ZNF121: variants seen among roughly 807,000 people sequenced by gnomAD.
ZNF121 encodes zinc finger protein 121.
A neutral mutation model predicts 2.4 loss-of-function variants in ZNF121; 1 was observed. That is an observed-to-expected ratio of 0.41 (90% CI 0.15 to 1.94). The LOEUF is 1.94. Among genes scored for constraint, ZNF121 ranks in the 30% most tolerant of loss-of-function variants. The probability of loss-of-function intolerance (pLI) is 0.30; values close to 1 mark genes in which losing one functional copy is unlikely to be tolerated. For synonymous variants in ZNF121, 173 were observed against 158.6 expected (o/e 1.09, Z -0.68); for missense variants, 369 against 466.3 (o/e 0.79, Z 1.92).
In ZNF121 at chr19:9,567,937, A is replaced by G. The variant is rs562203210; in HGVS notation, c.3+158T>C. On this transcript the variant is annotated intron_variant, in intron 3 of 3. Transcript: ENST00000320451. ...CCTGCTGTGCAGCCCAGTTCCTAAC[A>G]CTAACAGAAACAGTACCAGTGGGGA... is the stretch of plus-strand genomic sequence containing the variant. Among the ~76,000 whole-genome samples the G allele has an allele frequency of 5.7e-3, 873 of 152,298 alleles. 16 individuals are homozygous for G. Among genetic ancestry groups the G allele is most frequent in the Non-Finnish European group, 8.0e-3 (546 of 68,030 alleles).
Position 9,561,375 on chromosome 19 carries a change from G to A in ZNF121, c.*4565C>T, listed in dbSNP as rs1321343616. On this transcript the variant is annotated 3_prime_UTR_variant, in exon 4 of 4. Transcript: ENST00000320451. ...TAATTATATACCCATGAAATAAGGAGAATACATTTTTAAAGATTCAGAAGA... is the reference window on the plus strand; with the variant it reads ...TAATTATATACCCATGAAATAAGGAAAATACATTTTTAAAGATTCAGAAGA... 6.6e-6 allele frequency: 1 copy of A among 152,118 alleles called. No individual in the cohort carries two copies. The highest frequency in any genetic ancestry group is 1.5e-5 in the Non-Finnish European group (1 of 68,026). 9.4% of individuals were successfully genotyped at this position (152,118 alleles called of 1,614,324 possible).
chr19:9,573,120 A>C (rs1234799656), intron 1 of ZNF121, among the ~76,000 whole-genome samples: 3 of 152,258 alleles, frequency 2.0e-5, no homozygotes, highest in Non-Finnish European at 4.4e-5. Flanking sequence ...ACACAGATGT[A>C]CATCCACAAG....
chr19:9,581,563 G>C (rs549495887), intron 1 of ZNF121, among the ~76,000 whole-genome samples: 36 of 152,224 alleles, frequency 2.4e-4, no homozygotes, highest in South Asian at 4.1e-4. Flanking sequence ...GGAGAAAAAG[G>C]GGGGGTACTA....
intron 1 of ZNF121, among the ~76,000 whole-genome samples, chr19:9,580,119 C>T (rs964715755): frequency 1.3e-5 from 2 of 151,800 alleles, no homozygotes; most frequent in East Asian, 1.9e-4. Flanking sequence ...GGTGAAACCT[C>T]GTCAATACTA....
chr19:9,570,786 G>A (rs184366853), intron 1 of ZNF121, among the ~76,000 whole-genome samples: 1 of 151,960 alleles, frequency 6.6e-6, no homozygotes, highest in East Asian at 1.9e-4. Flanking sequence ...TAACCATATT[G>A]GCCAGGATGG....
At position 9,564,518 on chromosome 19, in the gene ZNF121, A is replaced by G. The variant is rs1193175588; in HGVS notation, c.*1422T>C. 1 of 152,220 alleles carries G rather than the reference A, an allele frequency of 6.6e-6. No homozygotes were observed. The highest frequency in any genetic ancestry group is 1.9e-4 in the East Asian group (1 of 5,198). The allele number at this position is 152,220 out of a possible 1,614,324, so 9.4% of individuals were successfully genotyped here. ...TAACTGTGGATGTGATGGAAAAAAG[A>G]GAACTAGAATTAGAAGTGGAGCCTG... is the stretch of plus-strand genomic sequence containing the variant. On this transcript the variant is annotated 3_prime_UTR_variant, in exon 4 of 4. Coordinates refer to ENST00000320451, the MANE Select transcript of ZNF121 (RefSeq NM_001008727.5).
rs746310089 is a variant in ZNF121 at position 9,578,980 on chromosome 19, C to CAAAAA, written c.-160+5476_-160+5480dup. ...ATATATAAGGAACTCAACTTGATAG[C>CAAAAA]AAAAAAAAAAAAAAAAAAAATCCGA... On this transcript the variant is annotated intron_variant, in intron 1 of 3. Coordinates refer to ENST00000320451, the MANE Select transcript of ZNF121 (RefSeq NM_001008727.5). Among the ~76,000 whole-genome samples the CAAAAA allele has an allele frequency of 3.1e-4, 27 of 86,110 alleles. No individual in the cohort carries two copies. In the East Asian group the frequency reaches 9.9e-3, roughly 31 times the overall value. 56.5% of individuals were successfully genotyped at this position (86,110 alleles called of 152,430 possible).
At chr19:9,578,522 G>A (rs1405030000) in intron 1 of ZNF121, among the ~76,000 whole-genome samples, 1 of 151,832 alleles carries the variant, frequency 6.6e-6, no homozygotes, top group Admixed American at 6.6e-5. Flanking sequence ...CTATGGAAGA[G>A]AACAGAGAAC....
In ZNF121 at chr19:9,563,627, G is replaced by T. The variant is rs1310080536; in HGVS notation, c.*2313C>A. The T allele has an allele frequency of 6.6e-6, 1 of 152,220 alleles. No homozygotes were observed. The highest frequency in any genetic ancestry group is 1.5e-5 in the Non-Finnish European group (1 of 68,052). The allele number at this position is 152,220 out of a possible 1,614,324, so 9.4% of individuals were successfully genotyped here. ...CTTTGTAGAGACAGCGTCACGCTCTGTTGTGCTGGCTGGTCTTGAACTCTT... is the reference window on the plus strand; with the variant it reads ...CTTTGTAGAGACAGCGTCACGCTCTTTTGTGCTGGCTGGTCTTGAACTCTT... On this transcript the variant is annotated 3_prime_UTR_variant, in exon 4 of 4. Coordinates refer to ENST00000320451, the MANE Select transcript of ZNF121 (RefSeq NM_001008727.5).
rs777124769 is a variant in ZNF121, at chr19:9,566,947, G to A, written c.166C>T (p.Pro56Ser). Residue 56 changes from proline (P) to serine (S), a missense_variant, in exon 4 of 4, where the codon CCT becomes TCT. By Grantham distance (74) the Pro-to-Ser change is moderately conservative. Around this residue, in one of 4 missense-constraint regions of ZNF121, gnomAD observed 168 missense variants for 162.3 expected, o/e 1.03. Transcript: ENST00000320451. ...AACACAGAAAGTGTCTCTCCAGCAG[G>A]GGCACTGTTGTGTAACATGGGAAAG... ...ENFPMLHNSA[P>S]AGETLSVLNQ... 1.2e-6 allele frequency: 2 copies of A among 1,614,166 alleles called. No individual in the cohort carries two copies. The highest frequency in any genetic ancestry group is 1.1e-5 in the South Asian group (1 of 91,086).
intron 1 of ZNF121, among the ~76,000 whole-genome samples, chr19:9,580,684 T>C (rs1029976732): frequency 3.3e-5 from 5 of 152,216 alleles, no homozygotes; most frequent in African/African-American, 4.8e-5. Context: ...ACTGCAGGCT[T>C]CCCAAGCACT....
In ZNF121 at chr19:9,568,172, C is replaced by A; in HGVS notation, c.-75G>T. On this transcript the variant is annotated 5_prime_UTR_variant, in exon 3 of 4. It removes an upstream start codon present in the reference 5' UTR. Transcript: ENST00000320451. The stretch of plus-strand genomic sequence containing the variant: ...TGCTGACACTTTGGTTTTAACTTGC[C>A]ATTCTGAAGTAAAACAGAAAAAAAG... 2.1e-6 allele frequency: 3 copies of A among 1,431,808 alleles called. No individual in the cohort carries two copies. The highest frequency in any genetic ancestry group is 3.0e-5 in the South Asian group (2 of 66,598). The allele number at this position is 1,431,808 out of a possible 1,614,324, so 88.7% of individuals were successfully genotyped here. A position where few individuals can be genotyped will look rare whatever the true frequency, so the allele number is the denominator to read the frequency against.
intron 1 of ZNF121, chr19:9,584,079 G>C (rs2074268136): frequency 6.6e-6 from 1 of 152,254 alleles, no homozygotes; most frequent in Non-Finnish European, 1.5e-5. Flanking sequence ...GTGTTCACCA[G>C]GAACATGCCG....
intron 1 of ZNF121, among the ~76,000 whole-genome samples, chr19:9,578,092 G>A (rs911443284): frequency 6.6e-6 from 1 of 151,878 alleles, no homozygotes; most frequent in East Asian, 1.9e-4. Context: ...CCCAGTGGTG[G>A]GTGCCTGTAG....
intron 1 of ZNF121, among the ~76,000 whole-genome samples, chr19:9,580,285 AG>A (rs1464604936): frequency 6.6e-6 from 1 of 150,830 alleles, no homozygotes; most frequent in Non-Finnish European, 1.5e-5. Flanking sequence ...GAGAAAAACT[AG>A]TCTCAAAAAG....
intron 1 of ZNF121, among the ~76,000 whole-genome samples, chr19:9,570,113 G>A (rs1177645555): frequency 1.3e-5 from 2 of 152,048 alleles, no homozygotes; most frequent in African/African-American, 4.8e-5. Context: ...GGCTGAGGCA[G>A]GAGAATCGCT....
Position 9,563,369 on chromosome 19 carries a change from G to A in ZNF121, c.*2571C>T, listed in dbSNP as rs192836445. 1 of 152,334 alleles carries A rather than the reference G, an allele frequency of 6.6e-6. No homozygotes were observed. Among genetic ancestry groups the A allele is most frequent in the East Asian group, 1.9e-4 (1 of 5,188 alleles). 9.4% of individuals were successfully genotyped at this position (152,334 alleles called of 1,614,324 possible). A position where few individuals can be genotyped will look rare whatever the true frequency, so the allele number is the denominator to read the frequency against. On this transcript the variant is annotated 3_prime_UTR_variant, in exon 4 of 4. Transcript: ENST00000320451. ...TGGAAGCTGGCAAAGATCAGTTCGT[G>A]AGGTTTAACAAGTCATTTCCATAAC...
chr19:9,571,170 G>C (rs1434026271), intron 1 of ZNF121, among the ~76,000 whole-genome samples: 1 of 152,206 alleles, frequency 6.6e-6, no homozygotes, highest in African/African-American at 2.4e-5. Context: ...CAACTCTGCT[G>C]TTGTAGCATG....
At chr19:9,573,350 A>G (rs2074187374) in intron 1 of ZNF121, among the ~76,000 whole-genome samples, 1 of 152,232 alleles carries the variant, frequency 6.6e-6, no homozygotes, top group South Asian at 2.1e-4. Context: ...AAATCTTACA[A>G]CTGAGAAATA....
Sources: allele counts gnomAD v4.1 joint callset (sites outside exome capture counted in the v4.1 genomes callset), GRCh38; gene constraint gnomAD v4.1.1; regional missense constraint gnomAD v4.1.1; transcripts MANE v1.5; gene names NCBI Gene and HGNC (gene_info 2026-07-23, HGNC 2026-07-21).